Variants in PRORP observed in about 807,000 individuals in gnomAD.
PRORP encodes the protein mitochondrial ribonuclease P catalytic subunit.
A neutral mutation model predicts 59.4 loss-of-function variants in PRORP; 51 were observed. The observed-to-expected ratio is 0.86, with a 90% CI of 0.69 to 1.08. PRORP has a LOEUF of 1.08. Among genes scored for constraint, PRORP ranks in the 50% least tolerant of loss-of-function variants. The pLI, the probability that PRORP is intolerant of heterozygous loss-of-function variation, is 0.00. For missense variants in PRORP, 646 were observed against 690.3 expected (o/e 0.94, Z 0.72); for synonymous variants, 231 against 245.6 (o/e 0.94, Z 0.55).
intron 5 of PRORP, among the ~76,000 whole-genome samples, chr14:35,233,300 T>A (rs934654471): frequency 6.7e-6 from 1 of 150,178 alleles, no homozygotes; most frequent in Non-Finnish European, 1.5e-5. Context: ...TCTACATCTC[T>A]CTTCCTAATA....
intron 4 of PRORP, among the ~76,000 whole-genome samples, chr14:35,179,407 T>G (rs557581704): frequency 6.6e-6 from 1 of 152,326 alleles, no homozygotes; most frequent in Non-Finnish European, 1.5e-5. Flanking sequence ...TTTCATATAG[T>G]CCCATATTTC....
intron 5 of PRORP, among the ~76,000 whole-genome samples, chr14:35,216,240 GA>G (rs1167676832): frequency 1.4e-5 from 2 of 146,720 alleles, no homozygotes; most frequent in Non-Finnish European, 3.0e-5. Context: ...ATAAAATTGA[GA>G]AAATATATAA....
chr14:35,171,418 G>C (rs2048310481), intron 4 of PRORP, among the ~76,000 whole-genome samples: 1 of 152,040 alleles, frequency 6.6e-6, no homozygotes, highest in South Asian at 2.1e-4. Flanking sequence ...ATTGTGGATT[G>C]AAAGCAGTTT....
At chr14:35,186,715 C>T (rs2048752767) in intron 5 of PRORP, among the ~76,000 whole-genome samples, 1 of 151,832 alleles carries the variant, frequency 6.6e-6, no homozygotes, top group Non-Finnish European at 1.5e-5. Context: ...CCTCAGCCTT[C>T]CAAGTAGCTA....
chr14:35,180,405 G>T (rs2048573724), intron 4 of PRORP, among the ~76,000 whole-genome samples: 1 of 152,162 alleles, frequency 6.6e-6, no homozygotes, highest in African/African-American at 2.4e-5. Context: ...CAGATCAAAT[G>T]AAATTACATA....
chr14:35,122,796 C>T, intron 1 of PRORP, 156 bp from the exon 2 acceptor site: 1 of 171,380 alleles, frequency 5.8e-6, no homozygotes. Context: ...CGGCTTTCGC[C>T]GCTGTTGGTG....
At chr14:35,176,322 T>C (rs371283925) in intron 4 of PRORP, among the ~76,000 whole-genome samples, 27,999 of 152,092 alleles carry the variant, frequency 0.18, 2,825 homozygotes, top group Admixed American at 0.27. Context: ...ATCTATAAAT[T>C]ACCTTGGGCA....
At chr14:35,228,121 C>T (rs965535612) in intron 5 of PRORP, among the ~76,000 whole-genome samples, 8 of 151,984 alleles carry the variant, frequency 5.3e-5, no homozygotes, top group African/African-American at 1.5e-4. Flanking sequence ...CCAGCCTGGG[C>T]GATAGAGCAA....
chr14:35,264,246 G>A (rs933616676), intron 5 of PRORP, among the ~76,000 whole-genome samples: 1 of 152,008 alleles, frequency 6.6e-6, no homozygotes, highest in Non-Finnish European at 1.5e-5. Flanking sequence ...TCCTGCCTCA[G>A]CCTCCCCAGT....
chr14:35,227,834 A>G (rs2049973592), intron 5 of PRORP, among the ~76,000 whole-genome samples: 1 of 152,228 alleles, frequency 6.6e-6, no homozygotes, highest in African/African-American at 2.4e-5. Context: ...CCGCAGAAAT[A>G]CGTAACAGGT....
At position 35,274,269 on chromosome 14, in the gene PRORP, C is replaced by T. The variant is rs1056912783; in HGVS notation, c.*703C>T. The T allele has an allele frequency of 6.6e-6, 1 of 151,998 alleles. No individual in the cohort carries two copies. Among genetic ancestry groups the T allele is most frequent in the African/African-American group, 2.4e-5 (1 of 41,348 alleles). 9.4% of individuals were successfully genotyped at this position (151,998 alleles called of 1,614,324 possible). A position where few individuals can be genotyped will look rare whatever the true frequency, so the allele number is the denominator to read the frequency against. ...CTCAAGCAATCTTCCTACCTCAGCC[C>T]TCCTGAGTAATTGGGACTACAGGCA... On this transcript the variant is annotated 3_prime_UTR_variant, in exon 8 of 8. Coordinates refer to ENST00000534898, the MANE Select transcript of PRORP (RefSeq NM_014672.4).
At chr14:35,125,084 C>T (rs1035045267) in intron 2 of PRORP, among the ~76,000 whole-genome samples, 1 of 152,022 alleles carries the variant, frequency 6.6e-6, no homozygotes, top group East Asian at 1.9e-4. Flanking sequence ...AGGCTGCTCT[C>T]GAACTACCTC....
intron 5 of PRORP, among the ~76,000 whole-genome samples, chr14:35,189,965 T>A (rs10444669): frequency 0.19 from 29,016 of 150,892 alleles, 3,324 homozygotes; most frequent in Middle Eastern, 0.27. Context: ...AAAAATTAGC[T>A]GGGTGTGGTG....
intron 5 of PRORP, among the ~76,000 whole-genome samples, chr14:35,239,916 A>G (rs1019181724): frequency 6.6e-6 from 1 of 152,066 alleles, no homozygotes; most frequent in Non-Finnish European, 1.5e-5. Flanking sequence ...CTCTACTAAA[A>G]ATACAAAAAT....
At chr14:35,269,210 G>A (rs2138671030) in intron 6 of PRORP, among the ~76,000 whole-genome samples, 1 of 152,270 alleles carries the variant, frequency 6.6e-6, no homozygotes, top group Non-Finnish European at 1.5e-5. Context: ...AAGATAATAT[G>A]TGTAAATAAC....
At chr14:35,157,249 C>T (rs1186941222) in intron 4 of PRORP, among the ~76,000 whole-genome samples, 1 of 151,956 alleles carries the variant, frequency 6.6e-6, no homozygotes, top group African/African-American at 2.4e-5. Context: ...GCCACCGCGC[C>T]CGGACGTTCA....
At chr14:35,238,045 TC>T (rs1177517466) in intron 5 of PRORP, among the ~76,000 whole-genome samples, 11 of 151,934 alleles carry the variant, frequency 7.2e-5, no homozygotes, top group Non-Finnish European at 1.2e-4. Context: ...AGTTAACACA[TC>T]TTTTTTTTTT....
intron 4 of PRORP, chr14:35,158,220 T>TGG: frequency 3.8e-6 from 1 of 260,542 alleles, no homozygotes; most frequent in Admixed American, 5.6e-5. Flanking sequence ...AGTAAGCCCT[T>TGG]ATTTGTTATC....
chr14:35,262,516 C>G, intron 5 of PRORP: 1 of 594,064 alleles, frequency 1.7e-6, no homozygotes, highest in Non-Finnish European at 3.1e-6. Context: ...TGACATTACT[C>G]TGAAGGGACA....
Sources: allele counts gnomAD v4.1 joint callset (sites outside exome capture counted in the v4.1 genomes callset), GRCh38; gene constraint gnomAD v4.1.1; transcripts MANE v1.5; gene names NCBI Gene and HGNC (gene_info 2026-07-23, HGNC 2026-07-21).